Variants in DARS2 observed in about 807,000 individuals in gnomAD.
The protein encoded by DARS2 is aspartate--tRNA ligase, mitochondrial.
DARS2 carries 63 observed loss-of-function variants against 83.0 expected under a neutral mutation model. That is an observed-to-expected ratio of 0.76 (90% CI 0.62 to 0.94). DARS2 has a LOEUF of 0.94. DARS2 is among the 40% of genes least tolerant of loss of function. The pLI is 0.00. For missense variants in DARS2, 675 were observed against 774.4 expected (o/e 0.87, Z 1.52); for synonymous variants, 250 against 269.3 (o/e 0.93, Z 0.70).
chr1:173,841,084 A>G (rs1451908049), intron 11 of DARS2, 111 bp downstream of exon 11: 3 of 804,328 alleles, frequency 3.7e-6, no homozygotes, highest in Non-Finnish European at 6.4e-6. Flanking sequence ...AAATAAAAAT[A>G]GGGATTTTTG....
Position 173,850,310 on chromosome 1 carries a change from C to A in DARS2, c.1192-17C>A, listed in dbSNP as rs1653606036. ...AAAAAAAAAAAAAACGTGAATAAGT[C>A]TTTTTCTTTTACACAGGAAATCTTA... is the stretch of plus-strand genomic sequence containing the variant. On this transcript the variant is annotated splice_polypyrimidine_tract_variant and intron_variant, in intron 12 of 16. Coordinates refer to ENST00000649689, the MANE Select transcript of DARS2 (RefSeq NM_018122.5). The A allele has an allele frequency of 1.2e-5, 19 of 1,538,168 alleles. No homozygotes were observed. Among genetic ancestry groups the A allele is most frequent in the African/African-American group, 2.8e-5 (2 of 70,780 alleles).
intron 12 of DARS2, among the ~76,000 whole-genome samples, chr1:173,846,897 C>A (rs1653455979): frequency 6.6e-6 from 1 of 151,938 alleles, no homozygotes; most frequent in South Asian, 2.1e-4. Flanking sequence ...TATTAAAGTT[C>A]CTATTTAAAA....
At chr1:173,844,383 C>G (rs1250882607) in intron 11 of DARS2, among the ~76,000 whole-genome samples, 6 of 151,972 alleles carry the variant, frequency 3.9e-5, no homozygotes, top group Admixed American at 2.0e-4. Flanking sequence ...CCAATAAGAG[C>G]TGCATGCCCA....
At position 173,853,354 on chromosome 1, in the gene DARS2, T is replaced by C. The variant is rs761185586; in HGVS notation, c.1350T>C (p.Ser450=). The C allele has an allele frequency of 1.2e-6, 2 of 1,613,628 alleles. No individual in the cohort carries two copies. The highest frequency in any genetic ancestry group is 2.2e-5 in the South Asian group (2 of 91,052). The change falls in exon 14 of 17, where the codon TCT becomes TCC. Residue 450 remains serine, a synonymous_variant. Transcript: ENST00000649689. ...TTTACGTCTTCTGTTTGCAGTGCTC[T>C]TTGTTAGGAAAATTACGACTGGAAT... ...LTAGEHNKAC[S]LLGKLRLECA...
At chr1:173,843,189 A>G (rs1653295384) in intron 11 of DARS2, among the ~76,000 whole-genome samples, 1 of 152,178 alleles carries the variant, frequency 6.6e-6, no homozygotes, top group Non-Finnish European at 1.5e-5. Context: ...TAAGATGGTT[A>G]AAGTATGATT....
At chr1:173,828,882 T>C (rs1244665373) in intron 3 of DARS2, among the ~76,000 whole-genome samples, 1 of 152,166 alleles carries the variant, frequency 6.6e-6, no homozygotes, top group Non-Finnish European at 1.5e-5. Context: ...TATCTAGACT[T>C]ATACAGATAT....
chr1:173,851,925 C>T (rs1173624679), intron 13 of DARS2: 11 of 985,038 alleles, frequency 1.1e-5, no homozygotes, highest in Non-Finnish European at 1.3e-5. Flanking sequence ...CTATTTATTT[C>T]CAAATTTTAT....
intron 11 of DARS2, among the ~76,000 whole-genome samples, chr1:173,842,863 A>C (rs1201137698): frequency 6.6e-6 from 1 of 150,768 alleles, no homozygotes. Context: ...ACTTGAGCCC[A>C]GTAGGCAGAG....
At chr1:173,846,897 C>T (rs1653455979) in intron 12 of DARS2, among the ~76,000 whole-genome samples, 1 of 152,056 alleles carries the variant, frequency 6.6e-6, no homozygotes, top group South Asian at 2.1e-4. Context: ...TATTAAAGTT[C>T]CTATTTAAAA....
chr1:173,834,416 A>T, intron 6 of DARS2, 57 bp from the exon 7 acceptor site: 1 of 1,317,518 alleles, frequency 7.6e-7, no homozygotes, highest in Non-Finnish European at 1.1e-6. Flanking sequence ...TGTGGACATC[A>T]TATATGACAA....
Position 173,842,317 on chromosome 1 carries a change from T to TTTTTTTTTTTTTTTG in DARS2, c.1128+1344_1128+1345insTTTTTTTTTTTTTTG, listed in dbSNP as rs1304745729. ...TTTTTTTTTTTTTTTTTTTTTTTTT[T>TTTTTTTTTTTTTTTG]AGAGTGAGTCTTGCTCTGTCGCCCA... On this transcript the variant is annotated intron_variant, in intron 11 of 16. Transcript: ENST00000649689. Among the ~76,000 whole-genome samples the TTTTTTTTTTTTTTTG allele has an allele frequency of 4.6e-4, 54 of 116,628 alleles. 14 individuals are homozygous for TTTTTTTTTTTTTTTG. Among genetic ancestry groups the TTTTTTTTTTTTTTTG allele is most frequent in the African/African-American group, 2.2e-3 (51 of 23,540 alleles). 76.5% of individuals were successfully genotyped at this position (116,628 alleles called of 152,430 possible).
intron 3 of DARS2, among the ~76,000 whole-genome samples, chr1:173,829,556 G>C (rs1652716989): frequency 6.6e-6 from 1 of 152,078 alleles, no homozygotes; most frequent in South Asian, 2.1e-4. Context: ...GAGGCCAGCA[G>C]ATTGAGTACA....
chr1:173,840,991 C>G lies in DARS2; in HGVS notation c.1128+18C>G. On this transcript the variant is annotated intron_variant, in intron 11 of 16. Coordinates refer to ENST00000649689, the MANE Select transcript of DARS2 (RefSeq NM_018122.5). ...AAGGAGCAGTAAGTGAAGTACAGTTCTATGTTTCTCTAGAATGTATGCTTT... is the reference window on the plus strand; with the variant it reads ...AAGGAGCAGTAAGTGAAGTACAGTTGTATGTTTCTCTAGAATGTATGCTTT... 5 of 1,360,794 alleles carry G rather than the reference C, an allele frequency of 3.7e-6. No individual in the cohort carries two copies. The highest frequency in any genetic ancestry group is 4.2e-6 in the Non-Finnish European group (4 of 948,938). 84.3% of individuals were successfully genotyped at this position (1,360,794 alleles called of 1,614,324 possible).
Position 173,834,491 on chromosome 1 carries a change from C to A in DARS2, c.635C>A (p.Thr212Asn). The A allele has an allele frequency of 1.9e-6, 3 of 1,607,022 alleles. No homozygotes were observed. The highest frequency in any genetic ancestry group is 1.7e-6 in the Non-Finnish European group (2 of 1,173,882). ...CNLHGFVDIE[T>N]PTLFKRTPGG... The stretch of plus-strand genomic sequence containing the variant: ...TTTTTAGGGTTTGTGGATATAGAAA[C>A]CCCCACATTGTTTAAGAGGACCCCA... The change falls in exon 7 of 17, where the codon ACC becomes AAC. Residue 212 changes from threonine to asparagine, a missense_variant. Physicochemically the swap from Thr to Asn is moderately conservative, Grantham distance 65. Coordinates refer to ENST00000649689, the MANE Select transcript of DARS2 (RefSeq NM_018122.5).
intron 2 of DARS2, among the ~76,000 whole-genome samples, chr1:173,827,473 CA>C (rs924365985): frequency 3.9e-5 from 6 of 152,012 alleles, no homozygotes; most frequent in Admixed American, 6.6e-5. Flanking sequence ...ACTAAAAATA[CA>C]AAAAAAGTTC....
chr1:173,847,514 C>A lies in DARS2; in HGVS notation c.1191+2223C>A, dbSNP rs191984367. Among the ~76,000 whole-genome samples the A allele has an allele frequency of 3.9e-5, 6 of 152,036 alleles. No individual in the cohort carries two copies. The East Asian group carries it at 9.7e-4, about 24-fold the overall frequency. ...TTTATATAAGAAATGGGTATTACTA[C>A]TACTATTTTTTATGAGTGTTTTAAC... On this transcript the variant is annotated intron_variant, in intron 12 of 16. Transcript: ENST00000649689.
chr1:173,843,229 A>G (rs927011604), intron 11 of DARS2, among the ~76,000 whole-genome samples: 4 of 152,166 alleles, frequency 2.6e-5, no homozygotes, highest in Non-Finnish European at 5.9e-5. Context: ...TTGCCATACA[A>G]AGAAAATTTT....
rs769220779 is a variant in DARS2 at position 173,843,482 on chromosome 1, C to A, written c.1129-1747C>A. ...GGCTGAGGCAGAAGAATCGCTTGAA[C>A]CCCGGAGGCGGAGGTTGCCGTGATC... On this transcript the variant is annotated intron_variant, in intron 11 of 16. Transcript: ENST00000649689. 2.0e-5 allele frequency among the ~76,000 whole-genome samples: 3 copies of A among 152,282 alleles called. No homozygotes were observed. In the East Asian group the frequency reaches 5.8e-4, roughly 29 times the overall value.
Position 173,834,454 on chromosome 1 carries a change from A to C in DARS2, c.617-19A>C, listed in dbSNP as rs1652902701. 1 of 1,588,994 alleles carries C rather than the reference A, an allele frequency of 6.3e-7. No individual in the cohort carries two copies. The highest frequency in any genetic ancestry group is 8.6e-7 in the Non-Finnish European group (1 of 1,157,674). On this transcript the variant is annotated intron_variant, in intron 6 of 16. Transcript: ENST00000649689. ...TTCACATTCCTATCTACTAAGTGAT[A>C]ATGTTTCTCTCTTTTTAGGGTTTGT...
Sources: gnomAD v4.1 joint callset for allele counts (sites outside exome capture counted in the v4.1 genomes callset) on GRCh38, gnomAD v4.1.1 for gene constraint, MANE v1.5 for transcripts, NCBI Gene and HGNC (gene_info 2026-07-23, HGNC 2026-07-21) for gene names.